ARB2A: variants seen among roughly 807,000 people sequenced by gnomAD.
ARB2A encodes cotranscriptional regulator ARB2A.
chr5:93,781,983 G>A, the ARB2A span: 1 of 955,608 alleles, frequency 1.0e-6, no homozygotes, highest in Admixed American at 6.2e-5. Flanking sequence ...AGAAAGAAAA[G>A]GGGAGGAAGT....
chr5:93,765,946 C>T, the ARB2A span, among the ~76,000 whole-genome samples: 1 of 152,098 alleles, frequency 6.6e-6, no homozygotes, highest in Admixed American at 6.6e-5. Flanking sequence ...GAAAGGATTC[C>T]CTATTTAATT....
chr5:93,888,220 T>C, the ARB2A span, among the ~76,000 whole-genome samples: 3 of 151,882 alleles, frequency 2.0e-5, no homozygotes, highest in Admixed American at 6.6e-5. Context: ...CATTAATACA[T>C]TTACCATTCA....
At chr5:93,661,154 G>T in the ARB2A span, among the ~76,000 whole-genome samples, 1 of 152,210 alleles carries the variant, frequency 6.6e-6, no homozygotes, top group East Asian at 1.9e-4. Flanking sequence ...GTTTGTGAGA[G>T]AAGAAAGGCA....
chr5:93,906,239 CA>C, the ARB2A span, among the ~76,000 whole-genome samples: 1 of 151,346 alleles, frequency 6.6e-6, no homozygotes, highest in Non-Finnish European at 1.5e-5. Context: ...ATACATTTTG[CA>C]TTTCTGTTTC....
At chr5:94,042,487 A>G in the ARB2A span, among the ~76,000 whole-genome samples, 1 of 151,920 alleles carries the variant, frequency 6.6e-6, no homozygotes. Context: ...TTGTATTTTT[A>G]GTAGAGATGG....
At chr5:93,839,939 G>T in the ARB2A span, among the ~76,000 whole-genome samples, 1 of 151,920 alleles carries the variant, frequency 6.6e-6, no homozygotes, top group Non-Finnish European at 1.5e-5. Context: ...AGGCTAACTA[G>T]CAGTCTATGT....
At chr5:93,666,578 G>T in the ARB2A span, among the ~76,000 whole-genome samples, 1 of 151,026 alleles carries the variant, frequency 6.6e-6, no homozygotes, top group Middle Eastern at 3.2e-3. Flanking sequence ...GAGAAAAGGA[G>T]ATTTATTATT....
the ARB2A span, among the ~76,000 whole-genome samples, chr5:93,773,664 C>T: frequency 6.6e-6 from 1 of 152,162 alleles, no homozygotes; most frequent in Non-Finnish European, 1.5e-5. Context: ...TCTGGCAACA[C>T]TGCATCAAGC....
chr5:93,712,726 A>G, the ARB2A span, among the ~76,000 whole-genome samples: 1 of 152,208 alleles, frequency 6.6e-6, no homozygotes, highest in Admixed American at 6.5e-5. Flanking sequence ...ATATTGAACC[A>G]CAAAAGACAT....
chr5:93,815,343 T>C, the ARB2A span, among the ~76,000 whole-genome samples: 1 of 152,206 alleles, frequency 6.6e-6, no homozygotes, highest in Non-Finnish European at 1.5e-5. Flanking sequence ...TTTGTTACTC[T>C]GAGACCAAAG....
the ARB2A span, among the ~76,000 whole-genome samples, chr5:93,733,025 C>T: frequency 5.3e-5 from 8 of 151,996 alleles, no homozygotes; most frequent in African/African-American, 1.9e-4. Context: ...TCTATCAAAA[C>T]TGTGGTTTTA....
chr5:93,776,729 G>C, the ARB2A span, among the ~76,000 whole-genome samples: 2 of 152,294 alleles, frequency 1.3e-5, no homozygotes, highest in South Asian at 2.1e-4. Flanking sequence ...AGTGAGCTGA[G>C]AGCGTGCCAT....
the ARB2A span, among the ~76,000 whole-genome samples, chr5:93,990,872 T>G: frequency 2.5e-4 from 38 of 152,166 alleles, no homozygotes; most frequent in African/African-American, 8.9e-4. Context: ...CTGAAGGCAG[T>G]ATCTGGGCTG....
chr5:93,979,451 TA>T, the ARB2A span, among the ~76,000 whole-genome samples: 3 of 152,144 alleles, frequency 2.0e-5, no homozygotes, highest in Admixed American at 1.3e-4. Context: ...TATTACAGAT[TA>T]TTTTTTACGT....
the ARB2A span, among the ~76,000 whole-genome samples, chr5:93,851,861 C>T: frequency 1.3e-5 from 2 of 152,142 alleles, no homozygotes; most frequent in African/African-American, 2.4e-5. Flanking sequence ...CATTGTTGGA[C>T]ATTTGGGTTG....
At chr5:93,699,514 C>G in the ARB2A span, among the ~76,000 whole-genome samples, 2 of 152,018 alleles carry the variant, frequency 1.3e-5, no homozygotes, top group Admixed American at 6.6e-5. Context: ...TTGGAATCCC[C>G]CCTTCCCTCA....
chr5:94,098,973 G>C, the ARB2A span, among the ~76,000 whole-genome samples: 77 of 152,154 alleles, frequency 5.1e-4, 1 homozygote, highest in African/African-American at 1.8e-3. Flanking sequence ...CTCCAAAACT[G>C]AATCACTAAT....
At chr5:94,068,863 A>C in the ARB2A span, among the ~76,000 whole-genome samples, 1 of 88,850 alleles carries the variant, frequency 1.1e-5, no homozygotes, top group Non-Finnish European at 2.6e-5. Flanking sequence ...CTAAAAATAC[A>C]AAAAAAAAAA....
the ARB2A span, among the ~76,000 whole-genome samples, chr5:93,850,111 G>T: frequency 1.3e-5 from 2 of 152,126 alleles, no homozygotes; most frequent in Non-Finnish European, 2.9e-5. Flanking sequence ...CAGATCCCAT[G>T]ATCTTAAATT....
Sources: allele counts gnomAD v4.1 joint callset (sites outside exome capture counted in the v4.1 genomes callset), GRCh38; gene constraint gnomAD v4.1.1; transcripts MANE v1.5; gene names NCBI Gene and HGNC (gene_info 2026-07-23, HGNC 2026-07-21).